ERC2: variants seen among roughly 807,000 people sequenced by gnomAD.
ERC2 encodes ERC protein 2.
In ERC2, 42 loss-of-function variants were observed where a neutral mutation model predicts 114.8. The ratio of observed to expected loss-of-function variants is 0.37; its 90% CI spans 0.29 to 0.47. The LOEUF (loss-of-function observed/expected upper bound fraction) is 0.47, where lower values mean the gene tolerates loss of function less well. Among genes scored for constraint, ERC2 ranks in the 20% least tolerant of loss-of-function variants. The pLI, the probability that ERC2 is intolerant of heterozygous loss-of-function variation, is 0.99. For synonymous variants in ERC2, 454 were observed against 425.5 expected, an observed-to-expected ratio of 1.07 and a Z score of -0.82; for missense variants, 939 against 1,150.7, an observed-to-expected ratio of 0.82 and a Z score of 2.66.
chr3:55,893,626 C>T (rs932906501), intron 13 of ERC2, among the ~76,000 whole-genome samples: 1 of 152,158 alleles, frequency 6.6e-6, no homozygotes, highest in Admixed American at 6.5e-5. Flanking sequence ...TGGTCCAAGG[C>T]CCTGACCTTT....
chr3:56,291,802 G>C (rs1163434409), intron 3 of ERC2, among the ~76,000 whole-genome samples: 1 of 150,362 alleles, frequency 6.7e-6, no homozygotes, highest in Non-Finnish European at 1.5e-5. Flanking sequence ...GACAAAAGTG[G>C]TCAGACACAT....
intron 7 of ERC2, among the ~76,000 whole-genome samples, chr3:56,056,571 G>GTA (rs2076023592): frequency 2.0e-5 from 3 of 152,036 alleles, no homozygotes; most frequent in Non-Finnish European, 2.9e-5. Flanking sequence ...ATTATGTATG[G>GTA]GCCTTGTGAG....
intron 2 of ERC2, among the ~76,000 whole-genome samples, chr3:56,359,261 C>T (rs78690942): frequency 6.6e-6 from 1 of 152,194 alleles, no homozygotes; most frequent in Admixed American, 6.5e-5. Flanking sequence ...TTTCCTTTCT[C>T]TACTTCTTGT....
chr3:55,992,666 C>T (rs938106397), intron 10 of ERC2, among the ~76,000 whole-genome samples: 3 of 152,068 alleles, frequency 2.0e-5, no homozygotes, highest in Non-Finnish European at 4.4e-5. Flanking sequence ...ACCAAAACAA[C>T]ACAATATTGG....
chr3:56,027,389 C>T (rs1395496311), intron 7 of ERC2, among the ~76,000 whole-genome samples: 2 of 152,194 alleles, frequency 1.3e-5, no homozygotes, highest in Non-Finnish European at 2.9e-5. Flanking sequence ...ATATAAGATA[C>T]TACTGCACTG....
At chr3:56,205,786 A>G (rs1208719853) in intron 3 of ERC2, among the ~76,000 whole-genome samples, 1 of 152,206 alleles carries the variant, frequency 6.6e-6, no homozygotes, top group Non-Finnish European at 1.5e-5. Flanking sequence ...TGGAGAATCA[A>G]TAGCTGGTAA....
chr3:56,390,295 A>G (rs990641152), intron 2 of ERC2, among the ~76,000 whole-genome samples: 2 of 152,164 alleles, frequency 1.3e-5, no homozygotes, highest in Non-Finnish European at 2.9e-5. Context: ...CCAACTCAAC[A>G]CTGGGTTTCC....
Position 56,187,435 on chromosome 3 carries a change from G to A in ERC2, c.1075-13915C>T, listed in dbSNP as rs114971196. On this transcript the variant is annotated intron_variant, in intron 3 of 17. Transcript: ENST00000288221. ...ATCTGAACCAGCATGGAGTAAATAG[G>A]GTAGGACTCCATTATTTTTGTTTTA... Among the ~76,000 whole-genome samples, 400 of 152,182 alleles carry A rather than the reference G, an allele frequency of 2.6e-3. 3 individuals are homozygous for A. Among genetic ancestry groups the A allele is most frequent in the African/African-American group, 9.4e-3 (392 of 41,532 alleles).
chr3:55,811,619 C>T lies in ERC2; in HGVS notation c.2565-76701G>A, dbSNP rs542101261. On this transcript the variant is annotated intron_variant, in intron 14 of 17. Transcript: ENST00000288221. ...ACCTAGCCTTTGCCTATGTGGTTCC[C>T]ACTGCCAGGGATACTGGTCTTGTTC... 9.4e-4 allele frequency among the ~76,000 whole-genome samples: 143 copies of T among 152,280 alleles called. 2 individuals are homozygous for T. Among genetic ancestry groups the T allele is most frequent in the African/African-American group, 3.3e-3 (136 of 41,560 alleles).
At chr3:56,354,322 C>T (rs1277137928) in intron 2 of ERC2, among the ~76,000 whole-genome samples, 1 of 152,248 alleles carries the variant, frequency 6.6e-6, no homozygotes, top group Non-Finnish European at 1.5e-5. Flanking sequence ...CCAGTTGCCA[C>T]TGCCACATTC....
intron 9 of ERC2, 44 bp downstream of exon 9, chr3:56,010,405 T>C: frequency 6.3e-7 from 1 of 1,599,700 alleles, no homozygotes; most frequent in Admixed American, 1.7e-5. Context: ...GAATATGGGT[T>C]TATGAGGACT....
At chr3:55,599,934 T>A (rs2058323527) in intron 17 of ERC2, among the ~76,000 whole-genome samples, 2 of 152,156 alleles carry the variant, frequency 1.3e-5, no homozygotes, top group Admixed American at 6.5e-5. Context: ...GGGCCTCAGT[T>A]TCCTATCAGT....
chr3:56,397,513 T>C (rs535361843), intron 2 of ERC2, among the ~76,000 whole-genome samples: 6 of 152,324 alleles, frequency 3.9e-5, no homozygotes, highest in Non-Finnish European at 5.9e-5. Context: ...TAGCTTGCTT[T>C]TTTCCACTTA....
At chr3:55,773,280 C>G (rs1487281801) in intron 14 of ERC2, among the ~76,000 whole-genome samples, 1 of 152,202 alleles carries the variant, frequency 6.6e-6, no homozygotes, top group African/African-American at 2.4e-5. Context: ...ACTGGCCATG[C>G]CCTCTGCCTG....
chr3:55,512,288 T>TG (rs753433339), intron 17 of ERC2, among the ~76,000 whole-genome samples: 1 of 152,238 alleles, frequency 6.6e-6, no homozygotes, highest in Non-Finnish European at 1.5e-5. Context: ...ATTCATACTC[T>TG]GAGGACTTTG....
intron 7 of ERC2, among the ~76,000 whole-genome samples, chr3:56,064,503 A>C (rs1252195396): frequency 6.6e-6 from 1 of 152,228 alleles, no homozygotes; most frequent in Non-Finnish European, 1.5e-5. Context: ...TCATTCAAGC[A>C]CATCCTGTTT....
intron 2 of ERC2, among the ~76,000 whole-genome samples, chr3:56,348,143 C>G (rs1316923965): frequency 6.6e-6 from 1 of 152,184 alleles, no homozygotes; most frequent in Non-Finnish European, 1.5e-5. Context: ...CCCTTAGCTT[C>G]TCCTTCCCTT....
chr3:55,848,006 A>C (rs904795898), intron 14 of ERC2, among the ~76,000 whole-genome samples: 2 of 152,140 alleles, frequency 1.3e-5, no homozygotes, highest in African/African-American at 4.8e-5. Flanking sequence ...TATGTTGCCC[A>C]GGCTGGTCTC....
At chr3:55,932,178 G>C (rs1000702221) in intron 13 of ERC2, among the ~76,000 whole-genome samples, 1 of 152,116 alleles carries the variant, frequency 6.6e-6, no homozygotes, top group African/African-American at 2.4e-5. Flanking sequence ...GGAAAGCTAG[G>C]CTAGAGAAAA....
Sources: allele counts gnomAD v4.1 joint callset (sites outside exome capture counted in the v4.1 genomes callset), GRCh38; gene constraint gnomAD v4.1.1; transcripts MANE v1.5; gene names NCBI Gene and HGNC (gene_info 2026-07-23, HGNC 2026-07-21).